NUP155: variants seen among roughly 807,000 people sequenced by gnomAD.
NUP155 encodes nucleoporin 155.
In NUP155, 71 loss-of-function variants were observed where a neutral mutation model predicts 180.4. The ratio of observed to expected loss-of-function variants is 0.39; its 90% confidence interval spans 0.33 to 0.48. NUP155 has a LOEUF of 0.48. Among genes scored for constraint, NUP155 ranks in the 20% least tolerant of loss-of-function variants. The pLI is 0.91. For synonymous variants in NUP155, 582 were observed against 559.5 expected, an observed-to-expected ratio of 1.04 and a Z score of -0.57; for missense variants, 1,553 against 1,648.9, an observed-to-expected ratio of 0.94 and a Z score of 1.01.
intron 11 of NUP155, among the ~76,000 whole-genome samples, chr5:37,338,737 A>G (rs1745517077): frequency 6.6e-6 from 1 of 152,120 alleles, no homozygotes; most frequent in South Asian, 2.1e-4. Context: ...ACAAGTTACA[A>G]AATAAAATAA....
chr5:37,303,512 G>C, intron 27 of NUP155, 98 bp from the exon 28 acceptor site: 1 of 1,041,198 alleles, frequency 9.6e-7, no homozygotes, highest in South Asian at 1.4e-5. Context: ...CTACAACTTT[G>C]CCTTGTTTTA....
chr5:37,356,046 A>G (rs544831489), intron 4 of NUP155, among the ~76,000 whole-genome samples: 3 of 151,698 alleles, frequency 2.0e-5, no homozygotes, highest in Non-Finnish European at 4.4e-5. Flanking sequence ...CCCGACCAAC[A>G]TGGAGAATTC....
rs889860485 is a variant in NUP155, at chr5:37,288,869, G to C, written c.*3031C>G. ...ACCTGAGGTCAGGAGTTCAAGACCA[G>C]CCTGACCAACACGGTGAAACCCCAT... On this transcript the variant is annotated 3_prime_UTR_variant, in exon 35 of 35. Transcript: ENST00000231498. 3 of 149,056 alleles carry C rather than the reference G, an allele frequency of 2.0e-5. No individual in the cohort carries two copies. The highest frequency in any genetic ancestry group is 3.0e-5 in the Non-Finnish European group (2 of 67,770). 9.2% of individuals were successfully genotyped at this position (149,056 alleles called of 1,614,324 possible). A position where few individuals can be genotyped will look rare whatever the true frequency, so the allele number is the denominator to read the frequency against.
intron 24 of NUP155, 134 bp from the exon 25 acceptor site, chr5:37,307,566 T>G (rs1393553053): frequency 1.2e-6 from 1 of 858,484 alleles, no homozygotes; most frequent in Non-Finnish European, 1.9e-6. Context: ...ACATAAAATA[T>G]TTCTGATAGG....
Position 37,290,578 on chromosome 5 carries a change from T to C in NUP155, c.*1322A>G, listed in dbSNP as rs370025663. ...TGCTATTACTTTGAAGCATTTGGTT[T>C]GGTTATTCTATTTTGTTAAGGAATA... is the stretch of plus-strand genomic sequence containing the variant. On this transcript the variant is annotated 3_prime_UTR_variant, in exon 35 of 35. Transcript: ENST00000231498. The C allele has an allele frequency of 5.9e-5, 9 of 152,338 alleles. No homozygotes were observed. In the East Asian group the frequency reaches 1.7e-3, roughly 29 times the overall value. The allele number at this position is 152,338 out of a possible 1,614,324, so 9.4% of individuals were successfully genotyped here.
At position 37,365,446 on chromosome 5, in the gene NUP155, G is replaced by A. The variant is rs1349391636; in HGVS notation, c.158-1062C>T. On this transcript the variant is annotated intron_variant, in intron 1 of 34. Transcript: ENST00000231498. ...TACACCGTTGGGCGCGGTAGCTCAC[G>A]CCTGTAATCCCAGCACTTTGGGAGG... Among the ~76,000 whole-genome samples, 7 of 151,484 alleles carry A rather than the reference G, an allele frequency of 4.6e-5. No homozygotes were observed. The East Asian group carries it at 9.7e-4, about 21-fold the overall frequency.
intron 23 of NUP155, among the ~76,000 whole-genome samples, chr5:37,310,272 G>C (rs558198208): frequency 6.6e-6 from 1 of 152,250 alleles, no homozygotes; most frequent in Admixed American, 6.5e-5. Flanking sequence ...GCTGCTGTGA[G>C]CTATGATCAC....
intron 1 of NUP155, among the ~76,000 whole-genome samples, chr5:37,365,156 G>A (rs111920514): frequency 0.046 from 7,020 of 151,734 alleles, 558 homozygotes; most frequent in African/African-American, 0.16. Context: ...CAGCTACTGC[G>A]GAGGCTGAGG....
At chr5:37,303,896 C>T (rs982814008) in intron 27 of NUP155, among the ~76,000 whole-genome samples, 2 of 151,938 alleles carry the variant, frequency 1.3e-5, no homozygotes, top group African/African-American at 2.4e-5. Context: ...GAGCCATTAT[C>T]GTGCCATTGC....
chr5:37,302,051 C>T (rs1174108526), intron 29 of NUP155, among the ~76,000 whole-genome samples: 1 of 151,914 alleles, frequency 6.6e-6, no homozygotes. Flanking sequence ...GGAAGACTCA[C>T]CTTGGATTTT....
intron 25 of NUP155, among the ~76,000 whole-genome samples, chr5:37,306,346 T>G (rs1235263648): frequency 6.6e-6 from 1 of 151,894 alleles, no homozygotes; most frequent in Non-Finnish European, 1.5e-5. Flanking sequence ...AGGTCAAGAG[T>G]ACAGTGAGCT....
chr5:37,325,586 T>G (rs1391073482), intron 19 of NUP155, among the ~76,000 whole-genome samples: 2 of 151,602 alleles, frequency 1.3e-5, no homozygotes, highest in Non-Finnish European at 2.9e-5. Context: ...CTGGGCAACA[T>G]GGTGAAACCC....
chr5:37,359,790 G>A (rs146014062), intron 3 of NUP155, among the ~76,000 whole-genome samples: 1 of 152,054 alleles, frequency 6.6e-6, no homozygotes. Flanking sequence ...TATCAGACAA[G>A]AAATGTAAAG....
At chr5:37,306,479 T>C (rs545591981) in intron 25 of NUP155, among the ~76,000 whole-genome samples, 228 of 152,272 alleles carry the variant, frequency 1.5e-3, no homozygotes, top group Admixed American at 3.4e-3. Context: ...TATTTCTTCT[T>C]TGTTCCGAGA....
intron 14 of NUP155, 108 bp downstream of exon 14, chr5:37,331,577 A>AAT (rs910187290): frequency 4.9e-4 from 257 of 521,720 alleles, no homozygotes; most frequent in Non-Finnish European, 5.7e-4. Context: ...TCCATCTCAA[A>AAT]ATATATATAT....
At chr5:37,297,097 A>G (rs1426897472) in intron 32 of NUP155, among the ~76,000 whole-genome samples, 1 of 152,164 alleles carries the variant, frequency 6.6e-6, no homozygotes, top group Non-Finnish European at 1.5e-5. Flanking sequence ...TATCAAAAGA[A>G]AAAAATATAT....
chr5:37,320,215 T>C (rs547090432), intron 20 of NUP155, among the ~76,000 whole-genome samples: 15 of 152,180 alleles, frequency 9.9e-5, no homozygotes, highest in African/African-American at 3.6e-4. Flanking sequence ...CAGCGGCTCA[T>C]GCCTGTAATC....
intron 1 of NUP155, among the ~76,000 whole-genome samples, chr5:37,364,988 G>A (rs888766580): frequency 2.6e-5 from 4 of 151,880 alleles, no homozygotes; most frequent in South Asian, 2.1e-4. Context: ...AAGTGGCTGG[G>A]CGCAGTGGCT....
At chr5:37,329,372 A>C in intron 15 of NUP155, 94 bp from the exon 16 acceptor site, 1 of 917,764 alleles carries the variant, frequency 1.1e-6, no homozygotes. Context: ...GCTTCCAAGT[A>C]AATGCTTTAA....
Sources: gnomAD v4.1 joint callset for allele counts (sites outside exome capture counted in the v4.1 genomes callset) on GRCh38, gnomAD v4.1.1 for gene constraint, MANE v1.5 for transcripts, NCBI Gene and HGNC (gene_info 2026-07-23, HGNC 2026-07-21) for gene names.